Variants in MYH11 observed in about 807,000 individuals in gnomAD.
MYH11 encodes the protein myosin-11.
Under a neutral mutation model 246.6 loss-of-function variants are expected in MYH11, and 80 were observed. The observed-to-expected ratio is 0.32, with a 90% CI of 0.27 to 0.39. The LOEUF (loss-of-function observed/expected upper bound fraction) is 0.39. Ranked by LOEUF, MYH11 falls within the 10% of genes least tolerant of loss-of-function variation. The pLI, the probability that MYH11 is intolerant of heterozygous loss-of-function variation, is 1.00. For synonymous variants in MYH11, 1,071 were observed against 1,015.5 expected, an observed-to-expected ratio of 1.05 and a Z score of -1.04; for missense variants, 2,158 against 2,546.8, an observed-to-expected ratio of 0.85 and a Z score of 3.29.
chr16:15,704,683 C>T (rs775930668), intron 40 of MYH11, among the ~76,000 whole-genome samples: 14 of 152,170 alleles, frequency 9.2e-5, no homozygotes, highest in South Asian at 2.1e-4. Context: ...GGTTAAAAGG[C>T]GAGACAGCAC....
At chr16:15,831,040 T>A (rs1232948159) in intron 2 of MYH11, among the ~76,000 whole-genome samples, 2 of 152,084 alleles carry the variant, frequency 1.3e-5, no homozygotes, top group Non-Finnish European at 2.9e-5. Context: ...GGTGTGGTAG[T>A]ACACGCCTGT....
chr16:15,732,671 C>T lies in MYH11; in HGVS notation c.3544G>A (p.Ala1182Thr). The change falls in exon 27 of 41, where the codon GCC becomes ACC. Residue 1182 changes from alanine to threonine, a missense_variant. Ala to Thr is a moderately conservative substitution (Grantham distance 58). Transcript: ENST00000300036. ...REQEVTVLKK[A>T]LDEETRSHEA... ...TGGGACCGCGTCTCTTCATCCAGGG[C>T]CTTCTTCAGCACCGTCACCTCCTGC... 1 of 1,614,226 alleles carries T rather than the reference C, an allele frequency of 6.2e-7. No individual in the cohort carries two copies. Among genetic ancestry groups the T allele is most frequent in the South Asian group, 1.1e-5 (1 of 91,084 alleles).
Position 15,847,336 on chromosome 16 carries a change from C to T in MYH11, c.-17-9067G>A, listed in dbSNP as rs868472402. Among the ~76,000 whole-genome samples the T allele has an allele frequency of 1.1e-4, 16 of 151,662 alleles. 1 individual carries two copies. Among genetic ancestry groups the T allele is most frequent in the South Asian group, 2.1e-4 (1 of 4,778 alleles). ...CATGACCTCAGCTCACGGCAACCTC[C>T]GCCTCCCAGGCTCAAGTGATCCTCC... On this transcript the variant is annotated intron_variant, in intron 1 of 40. Coordinates refer to ENST00000300036, the MANE Select transcript of MYH11 (RefSeq NM_002474.3).
At chr16:15,802,507 GGCGTGATCTCAGCTCACT>G (rs746156087) in intron 3 of MYH11, among the ~76,000 whole-genome samples, 2 of 152,212 alleles carry the variant, frequency 1.3e-5, no homozygotes, top group Admixed American at 1.3e-4. Flanking sequence ...GGTGTACAGT[GGCGTGATCTCAGCTCACT>G]GCAACCTCAA....
chr16:15,754,035 A>T (rs986684444), intron 14 of MYH11, among the ~76,000 whole-genome samples: 13 of 144,228 alleles, frequency 9.0e-5, no homozygotes, highest in Non-Finnish European at 1.7e-4. Context: ...GTGAAACCCC[A>T]TGTCTACTAA....
At chr16:15,741,398 C>T (rs1475764872) in intron 22 of MYH11, 65 bp downstream of exon 22, 2 of 1,552,650 alleles carry the variant, frequency 1.3e-6, no homozygotes, top group South Asian at 2.2e-5. Context: ...GATGCACCTC[C>T]ACAGGCCTGT....
chr16:15,718,640 GC>G (rs1441753511), intron 36 of MYH11: 4 of 732,984 alleles, frequency 5.5e-6, no homozygotes, highest in Admixed American at 5.8e-5. Context: ...TGTCAGCAAA[GC>G]TGGGATTGGG....
At position 15,763,849 on chromosome 16, in the gene MYH11, A is replaced by G. The variant is rs201658620; in HGVS notation, c.1076T>C (p.Ile359Thr). The G allele has an allele frequency of 3.7e-6, 6 of 1,610,048 alleles. No homozygotes were observed. The highest frequency in any genetic ancestry group is 4.5e-5 in the East Asian group (2 of 44,652). Residue 359 changes from isoleucine (I) to threonine (T), a missense_variant, in exon 10 of 41, where the codon ATC becomes ACC. Around this residue, in one of 11 missense-constraint regions of MYH11, gnomAD observed 317 missense variants for 507.7 expected, o/e 0.62. Coordinates refer to ENST00000300036, the MANE Select transcript of MYH11 (RefSeq NM_002474.3). ...TGTGTTTCTTTCCTTCTTGAAGACG[A>G]TATTTCCAAGCTGCAGGACCGATGA... ...VVSSVLQLGNIVFKKERNTDQ... is the reference protein window; with the variant it reads ...VVSSVLQLGNTVFKKERNTDQ...
rs770925258 is a variant in MYH11, at chr16:15,823,332, T to G, written c.425A>C (p.Tyr142Ser). The change falls in exon 3 of 41, where the codon TAC becomes TCC. Residue 142 changes from tyrosine (Y) to serine (S), a missense_variant. This residue lies in a region of MYH11 where 34 missense variants were observed against 25.6 expected (regional missense o/e 1.33). Coordinates refer to ENST00000300036, the MANE Select transcript of MYH11 (RefSeq NM_002474.3). ...CATCTCGTGCCTCTTCTTGCCCTTGTACATGTCGACGATCTTCTCCGAGTA... is the reference window on the plus strand; with the variant it reads ...CATCTCGTGCCTCTTCTTGCCCTTGGACATGTCGACGATCTTCTCCGAGTA... ...PIYSEKIVDM[Y>S]KGKKRHEMPP... 1.2e-6 allele frequency: 2 copies of G among 1,614,202 alleles called. No homozygotes were observed. Among genetic ancestry groups the G allele is most frequent in the Non-Finnish European group, 8.5e-7 (1 of 1,180,032 alleles).
chr16:15,760,491 G>A (rs1176071031), intron 11 of MYH11, 49 bp downstream of exon 11: 1 of 1,334,844 alleles, frequency 7.5e-7, no homozygotes, highest in Non-Finnish European at 1.1e-6. Flanking sequence ...ATGGATGAAT[G>A]GATGGATGGG....
chr16:15,791,447 C>T (rs570544396), intron 4 of MYH11: 1 of 152,326 alleles, frequency 6.6e-6, no homozygotes, highest in Non-Finnish European at 1.5e-5. Flanking sequence ...TTGTACTGTA[C>T]AACTCCTACA....
chr16:15,797,746 T>A (rs72772082), intron 4 of MYH11, among the ~76,000 whole-genome samples: 17,293 of 151,998 alleles, frequency 0.11, 1,120 homozygotes, highest in Middle Eastern at 0.24. Context: ...GAAAATTCGA[T>A]TCCCCCAATG....
rs548065096 is a variant in MYH11 at position 15,832,135 on chromosome 16, A to C, written c.345+5773T>G. Among the ~76,000 whole-genome samples, 126 of 152,162 alleles carry C rather than the reference A, an allele frequency of 8.3e-4. 1 individual carries two copies. Among genetic ancestry groups the C allele is most frequent in the African/African-American group, 3.0e-3 (125 of 41,530 alleles). On this transcript the variant is annotated intron_variant, in intron 2 of 40. Transcript: ENST00000300036. ...GCTAAGATTGCTGGGCCAGGTCTCT[A>C]AGGCGGAAAAATTGTCACCTGCTAA... is the stretch of plus-strand genomic sequence containing the variant.
In MYH11 at chr16:15,721,628, C is replaced by T. The variant is rs775154820; in HGVS notation, c.4372G>A (p.Ala1458Thr). Residue 1458 changes from alanine (A) to threonine (T), a missense_variant, in exon 32 of 41, where the codon GCC becomes ACC. By Grantham distance (58) the Ala-to-Thr change is moderately conservative. This residue lies in a region of MYH11 where 1,013 missense variants were observed against 993.5 expected (regional missense o/e 1.02). Transcript: ENST00000300036. ...KKQRKFDQLL[A>T]EEKNISSKYA... ...TTGGAAGAGATGTTTTTCTCCTCGGCTAACAACTACAACACAAGACCCAGA... is the reference window on the plus strand; with the variant it reads ...TTGGAAGAGATGTTTTTCTCCTCGGTTAACAACTACAACACAAGACCCAGA... The T allele has an allele frequency of 4.3e-6, 7 of 1,614,042 alleles. No homozygotes were observed. Among genetic ancestry groups the T allele is most frequent in the Non-Finnish European group, 5.9e-6 (7 of 1,180,036 alleles).
intron 38 of MYH11, among the ~76,000 whole-genome samples, chr16:15,716,155 C>G (rs749627789): frequency 1.3e-5 from 2 of 152,006 alleles, no homozygotes; most frequent in Non-Finnish European, 2.9e-5. Flanking sequence ...TCTCGAACTC[C>G]TGGACTCAAG....
In MYH11 at chr16:15,836,208, G is replaced by A. The variant is rs191600289; in HGVS notation, c.345+1700C>T. On this transcript the variant is annotated intron_variant, in intron 2 of 40. Transcript: ENST00000300036. ...CCTCTGCACATCAGTCTGGCGACCC[G>A]TGCCCCACAACATCACACTCCAAGC... Among the ~76,000 whole-genome samples the A allele has an allele frequency of 7.4e-4, 112 of 152,052 alleles. 2 individuals carry two copies. The highest frequency in any genetic ancestry group is 2.5e-3 in the East Asian group (13 of 5,156).
At chr16:15,715,318 C>T (rs2040066301) in intron 38 of MYH11, 46 bp from the exon 39 acceptor site, 1 of 1,591,290 alleles carries the variant, frequency 6.3e-7, no homozygotes, top group Non-Finnish European at 8.6e-7. Flanking sequence ...AGGGTGGCAC[C>T]CCTTGTAGCT....
At chr16:15,720,417 G>A (rs746196315) in intron 33 of MYH11, 105 bp from the exon 34 acceptor site, 1 of 1,441,836 alleles carries the variant, frequency 6.9e-7, no homozygotes, top group Non-Finnish European at 9.5e-7. Context: ...CAGCCCCCTT[G>A]TGAGGTGGGC....
chr16:15,805,892 G>A (rs1265199993), intron 3 of MYH11, among the ~76,000 whole-genome samples: 1 of 152,082 alleles, frequency 6.6e-6, no homozygotes, highest in African/African-American at 2.4e-5. Flanking sequence ...CTCCAGCTGG[G>A]GTGACAGAGA....
Sources: allele counts gnomAD v4.1 joint callset (sites outside exome capture counted in the v4.1 genomes callset), GRCh38; gene constraint gnomAD v4.1.1; regional missense constraint gnomAD v4.1.1; transcripts MANE v1.5; gene names NCBI Gene and HGNC (gene_info 2026-07-23, HGNC 2026-07-21).